ARHGAP8: variants seen among roughly 807,000 people sequenced by gnomAD.
ARHGAP8 encodes Rho GTPase activating protein 8.
In ARHGAP8, 62 loss-of-function variants were observed where a neutral mutation model predicts 46.1. The ratio of observed to expected loss-of-function variants is 1.34; its 90% CI spans 1.10 to 1.66. The LOEUF (loss-of-function observed/expected upper bound fraction) is 1.66. Ranked by LOEUF, ARHGAP8 falls within the 40% of genes most tolerant of loss-of-function variation. ARHGAP8 has a pLI of 0.00. For missense variants in ARHGAP8, 923 were observed against 568.4 expected, an observed-to-expected ratio of 1.62 and a Z score of -6.34; for synonymous variants, 375 against 243.1, an observed-to-expected ratio of 1.54 and a Z score of -5.05.
rs780202932 is a variant in ARHGAP8, at chr22:44,847,961, C to T, written c.671-12C>T. The T allele has an allele frequency of 1.6e-5, 25 of 1,606,302 alleles. No individual in the cohort carries two copies. The highest frequency in any genetic ancestry group is 1.8e-5 in the Non-Finnish European group (21 of 1,179,622). Reference sequence around the variant, plus strand: ...GGGACCTGTGAGATGCCTGGAAGCTCCTCTCCTGCAGGCCTGCGCACCGAG... The same window carrying T: ...GGGACCTGTGAGATGCCTGGAAGCTTCTCTCCTGCAGGCCTGCGCACCGAG... On this transcript the variant is annotated splice_polypyrimidine_tract_variant and intron_variant, in intron 8 of 11. Transcript: ENST00000356099.
chr22:44,842,282 A>C (rs1032323153), intron 7 of ARHGAP8, among the ~76,000 whole-genome samples: 3 of 152,164 alleles, frequency 2.0e-5, no homozygotes, highest in Admixed American at 6.5e-5. Flanking sequence ...GCTTCAACTC[A>C]GGAGGTGGAG....
chr22:44,836,122 G>A (rs1931268749), intron 7 of ARHGAP8, among the ~76,000 whole-genome samples: 2 of 152,196 alleles, frequency 1.3e-5, no homozygotes, highest in Admixed American at 6.5e-5. Flanking sequence ...CAGCCCTGCA[G>A]ATGTGAGACT....
intron 1 of ARHGAP8, among the ~76,000 whole-genome samples, chr22:44,767,578 C>T (rs996015297): frequency 6.6e-6 from 1 of 152,088 alleles, no homozygotes. Context: ...CAGAACCCAC[C>T]GAGGCTCCCA....
intron 1 of ARHGAP8, among the ~76,000 whole-genome samples, chr22:44,763,924 TC>T (rs1298659556): frequency 6.6e-6 from 1 of 151,624 alleles, no homozygotes; most frequent in Non-Finnish European, 1.5e-5. Flanking sequence ...CATTCTGCTG[TC>T]TCAGCCTCCC....
intron 11 of ARHGAP8, 74 bp from the exon 12 acceptor site, chr22:44,862,201 A>C (rs1285738592): frequency 2.0e-6 from 3 of 1,517,918 alleles, no homozygotes; most frequent in Admixed American, 2.0e-5. Flanking sequence ...CCTCTCCCTA[A>C]GTTCGGGAGG....
At chr22:44,760,295 C>T (rs560056835) in intron 1 of ARHGAP8, among the ~76,000 whole-genome samples, 5 of 152,278 alleles carry the variant, frequency 3.3e-5, no homozygotes, top group Admixed American at 2.0e-4. Flanking sequence ...TGGGATGCCA[C>T]TGGGGGACCC....
At chr22:44,783,156 G>C (rs2147039967) in intron 1 of ARHGAP8, among the ~76,000 whole-genome samples, 1 of 151,478 alleles carries the variant, frequency 6.6e-6, no homozygotes, top group South Asian at 2.1e-4. Flanking sequence ...TGGCAGGGCT[G>C]GTCTCGAACT....
intron 1 of ARHGAP8, among the ~76,000 whole-genome samples, chr22:44,767,892 T>A (rs1435978236): frequency 1.4e-5 from 2 of 144,120 alleles, no homozygotes; most frequent in Admixed American, 7.0e-5. Context: ...AAAAAGAAAA[T>A]TTAAAAATGA....
intron 1 of ARHGAP8, among the ~76,000 whole-genome samples, chr22:44,762,530 ACTCT>A (rs77571347): frequency 2.7e-5 from 4 of 146,544 alleles, no homozygotes; most frequent in South Asian, 2.1e-4. Flanking sequence ...CTCATTATGA[ACTCT>A]CTCTCTCTCT....
intron 1 of ARHGAP8, among the ~76,000 whole-genome samples, chr22:44,753,445 A>G (rs1374721673): frequency 6.6e-6 from 1 of 151,946 alleles, no homozygotes; most frequent in Non-Finnish European, 1.5e-5. Context: ...GGTCTCGACC[A>G]CCTGACCTCA....
At chr22:44,759,945 A>G (rs1925000704) in intron 1 of ARHGAP8, among the ~76,000 whole-genome samples, 1 of 152,146 alleles carries the variant, frequency 6.6e-6, no homozygotes, top group Non-Finnish European at 1.5e-5. Context: ...GGTGTTCCCT[A>G]AAGGCTGTGT....
chr22:44,821,059 A>G (rs2147114379), intron 5 of ARHGAP8, among the ~76,000 whole-genome samples: 1 of 152,258 alleles, frequency 6.6e-6, no homozygotes, highest in Middle Eastern at 3.4e-3. Flanking sequence ...GTCATAAAAT[A>G]ACATAAAATA....
chr22:44,849,400 C>T, intron 10 of ARHGAP8: 1 of 316,056 alleles, frequency 3.2e-6, no homozygotes, highest in Non-Finnish European at 6.0e-6. Context: ...CTCCCAGGCC[C>T]CAGACCCTCA....
At chr22:44,861,820 G>T (rs1374451768) in intron 11 of ARHGAP8, among the ~76,000 whole-genome samples, 2 of 152,156 alleles carry the variant, frequency 1.3e-5, no homozygotes, top group African/African-American at 4.8e-5. Flanking sequence ...TGGACAAGGA[G>T]CCCCTTCTAG....
At chr22:44,828,340 G>T (rs1930681442) in intron 7 of ARHGAP8, among the ~76,000 whole-genome samples, 1 of 152,110 alleles carries the variant, frequency 6.6e-6, no homozygotes, top group African/African-American at 2.4e-5. Context: ...TGCTGGGCGG[G>T]GCAGGCACCT....
chr22:44,802,181 C>G lies in ARHGAP8; in HGVS notation c.167+17C>G, dbSNP rs773965825. ...GCTGCTGGAGTAAGTGTTCTGCCCCCTCTCTTTCTGTCCCTGTCTCTCCAT... is the reference window on the plus strand; with the variant it reads ...GCTGCTGGAGTAAGTGTTCTGCCCCGTCTCTTTCTGTCCCTGTCTCTCCAT... On this transcript the variant is annotated intron_variant, in intron 3 of 11. Transcript: ENST00000356099. 1 of 1,613,272 alleles carries G rather than the reference C, an allele frequency of 6.2e-7. No homozygotes were observed. The highest frequency in any genetic ancestry group is 8.5e-7 in the Non-Finnish European group (1 of 1,179,734).
intron 2 of ARHGAP8, among the ~76,000 whole-genome samples, chr22:44,795,662 T>A (rs1234733319): frequency 1.3e-5 from 2 of 152,116 alleles, no homozygotes; most frequent in African/African-American, 2.4e-5. Flanking sequence ...GGGATGAGCC[T>A]GTAGGTGTGA....
At chr22:44,851,273 C>T (rs2070085901) in intron 10 of ARHGAP8, among the ~76,000 whole-genome samples, 1 of 152,186 alleles carries the variant, frequency 6.6e-6, no homozygotes, top group African/African-American at 2.4e-5. Context: ...TTCCTGCTAC[C>T]CGTCTTAGGT....
intron 7 of ARHGAP8, among the ~76,000 whole-genome samples, chr22:44,833,100 T>TCTTTTCTTTTCTTTTC (rs1555917130): frequency 3.1e-5 from 4 of 127,190 alleles, no homozygotes; most frequent in South Asian, 2.7e-4. Flanking sequence ...TCTTTTCTTT[T>TCTTTTCTTTTCTTTTC]TTTTTTTTTT....
Sources: gnomAD v4.1 joint callset for allele counts (sites outside exome capture counted in the v4.1 genomes callset) on GRCh38, gnomAD v4.1.1 for gene constraint, MANE v1.5 for transcripts, NCBI Gene and HGNC (gene_info 2026-07-23, HGNC 2026-07-21) for gene names.